REV3L: variants seen among roughly 807,000 people sequenced by gnomAD.
REV3L encodes the protein DNA polymerase zeta catalytic subunit.
A neutral mutation model predicts 299.4 loss-of-function variants in REV3L; 69 were observed. The ratio of observed to expected loss-of-function variants is 0.23; its 90% CI spans 0.19 to 0.28. The LOEUF (loss-of-function observed/expected upper bound fraction) is 0.28. REV3L is among the 10% of genes least tolerant of loss of function. REV3L has a pLI of 1.00. For missense variants in REV3L, 3,128 were observed against 3,693.8 expected (o/e 0.85, Z 3.97); for synonymous variants, 1,238 against 1,271.4 (o/e 0.97, Z 0.56).
At chr6:111,422,344 C>CCCTACAACCTCAAAACCTAA (rs1161500443) in intron 1 of REV3L, among the ~76,000 whole-genome samples, 17 of 151,840 alleles carry the variant, frequency 1.1e-4, no homozygotes, top group Admixed American at 5.2e-4. Context: ...TGAGCAGTTG[C>CCCTACAACCTCAAAACCTAA]AATAGACACC....
chr6:111,370,737 C>T (rs1182505346), intron 13 of REV3L, among the ~76,000 whole-genome samples: 1 of 152,062 alleles, frequency 6.6e-6, no homozygotes, highest in Non-Finnish European at 1.5e-5. Context: ...AGGTTGACAG[C>T]AAAATTGAAA....
intron 10 of REV3L, among the ~76,000 whole-genome samples, chr6:111,380,917 G>A (rs1780766830): frequency 6.6e-6 from 1 of 152,162 alleles, no homozygotes; most frequent in East Asian, 1.9e-4. Context: ...GTGCAGCCCT[G>A]GCCAGTGAGA....
chr6:111,414,292 T>C (rs1043716071), intron 2 of REV3L, among the ~76,000 whole-genome samples: 12 of 151,816 alleles, frequency 7.9e-5, no homozygotes, highest in African/African-American at 2.9e-4. Context: ...TGGGGAAGGG[T>C]AGAACACTCA....
At chr6:111,430,225 T>C in intron 1 of REV3L, 1 of 835,512 alleles carries the variant, frequency 1.2e-6, no homozygotes, top group Non-Finnish European at 2.1e-6. Flanking sequence ...GTAGAACAGA[T>C]ACCCCACCCC....
intron 20 of REV3L, among the ~76,000 whole-genome samples, chr6:111,346,900 T>C (rs780246107): frequency 6.6e-6 from 1 of 152,204 alleles, no homozygotes; most frequent in African/African-American, 2.4e-5. Flanking sequence ...CCCCTGAAAC[T>C]AGGATTCAGT....
intron 27 of REV3L, 59 bp downstream of exon 27, chr6:111,315,206 CAG>C: frequency 7.7e-7 from 1 of 1,303,474 alleles, no homozygotes; most frequent in African/African-American, 1.5e-5. Context: ...CTGAACAAAT[CAG>C]AGGTCTCTAG....
intron 1 of REV3L, among the ~76,000 whole-genome samples, chr6:111,429,500 TA>T (rs1403015012): frequency 5.9e-5 from 9 of 151,952 alleles, no homozygotes; most frequent in African/African-American, 2.2e-4. Flanking sequence ...CAGAATACTC[TA>T]TTACTGCAAT....
At position 111,376,214 on chromosome 6, in the gene REV3L, T is replaced by G; in HGVS notation, c.2141A>C (p.His714Pro). ...TTCAGAGGATACTTTATTTTTTGAA[T>G]GATTTAAGTCAGAAAAGTTGAAAGA... ...KNSFNFSDLN[H>P]SKNKVSSEGN... Residue 714 changes from histidine to proline, a missense_variant, in exon 13 of 32, where the codon CAT becomes CCT. His to Pro is a moderately conservative substitution (Grantham distance 77). This residue lies in a region of REV3L where 2,409 missense variants were observed against 2,611.8 expected (regional missense o/e 0.92). Coordinates refer to ENST00000368802, the MANE Select transcript of REV3L (RefSeq NM_001372078.1). 6.2e-7 allele frequency: 1 copy of G among 1,613,476 alleles called. No individual in the cohort carries two copies. Among genetic ancestry groups the G allele is most frequent in the Non-Finnish European group, 8.5e-7 (1 of 1,179,878 alleles).
At chr6:111,363,452 C>T (rs1444783177) in intron 16 of REV3L, among the ~76,000 whole-genome samples, 7 of 151,922 alleles carry the variant, frequency 4.6e-5, no homozygotes, top group South Asian at 2.1e-4. Context: ...ACTATAGGTG[C>T]GCGCCACCAT....
chr6:111,308,465 C>T (rs187229178), intron 30 of REV3L, among the ~76,000 whole-genome samples: 1 of 152,294 alleles, frequency 6.6e-6, no homozygotes. Context: ...TTATTGAATA[C>T]TGTACCAAAA....
chr6:111,343,919 C>A lies in REV3L; in HGVS notation c.7538+6G>T. On this transcript the variant is annotated splice_donor_region_variant and intron_variant, in intron 21 of 31. Transcript: ENST00000368802. Reference sequence around the variant, plus strand: ...TATTACCTTCTTCAGAGTTATAGAACAGTACCTGTATAGATCTGTCTTGTT... The same window carrying A: ...TATTACCTTCTTCAGAGTTATAGAAAAGTACCTGTATAGATCTGTCTTGTT... 6.7e-7 allele frequency: 1 copy of A among 1,500,816 alleles called. No individual in the cohort carries two copies. Among genetic ancestry groups the A allele is most frequent in the South Asian group, 1.2e-5 (1 of 83,138 alleles). The allele number at this position is 1,500,816 out of a possible 1,614,324, so 93.0% of individuals were successfully genotyped here. A position where few individuals can be genotyped will look rare whatever the true frequency, so the allele number is the denominator to read the frequency against.
chr6:111,334,261 C>T (rs1197622931), intron 22 of REV3L, among the ~76,000 whole-genome samples: 1 of 152,116 alleles, frequency 6.6e-6, no homozygotes, highest in Non-Finnish European at 1.5e-5. Flanking sequence ...AATACAGCTA[C>T]ACCATAATAA....
At chr6:111,386,411 C>T (rs1433205942) in intron 9 of REV3L, among the ~76,000 whole-genome samples, 1 of 152,118 alleles carries the variant, frequency 6.6e-6, no homozygotes, top group Non-Finnish European at 1.5e-5. Flanking sequence ...CTATTTCACA[C>T]ACTAGGATGG....
chr6:111,467,756 A>G (rs143609285), intron 1 of REV3L, among the ~76,000 whole-genome samples: 3 of 152,354 alleles, frequency 2.0e-5, no homozygotes, highest in East Asian at 3.9e-4. Context: ...ACCATTTTAT[A>G]TAAGTGATTT....
chr6:111,370,867 C>A (rs539021339), intron 13 of REV3L, among the ~76,000 whole-genome samples: 1 of 152,214 alleles, frequency 6.6e-6, no homozygotes, highest in South Asian at 2.1e-4. Context: ...TATGTTGACA[C>A]ATCATAATTG....
At chr6:111,480,229 G>T (rs953960276) in intron 1 of REV3L, among the ~76,000 whole-genome samples, 15 of 152,060 alleles carry the variant, frequency 9.9e-5, no homozygotes, top group African/African-American at 2.9e-4. Flanking sequence ...TGTAGCATAG[G>T]TTTATCATGT....
In REV3L at chr6:111,483,054, CGCT is replaced by C; in HGVS notation, c.-169_-167del. 1 of 824,900 alleles carries C rather than the reference CGCT, an allele frequency of 1.2e-6. No homozygotes were observed. The highest frequency in any genetic ancestry group is 1.7e-6 in the Non-Finnish European group (1 of 587,778). 51.1% of individuals were successfully genotyped at this position (824,900 alleles called of 1,614,324 possible). ...GGAGCGGCGGGCGGGGCGGTGTAGG[CGCT>C]GCTGCCGCCGCCTCCTCAGGAGCAC... is the stretch of plus-strand genomic sequence containing the variant. On this transcript the variant is annotated 5_prime_UTR_variant, in exon 1 of 32. Coordinates refer to ENST00000368802, the MANE Select transcript of REV3L (RefSeq NM_001372078.1).
At chr6:111,458,590 G>C (rs1790412460) in intron 1 of REV3L, among the ~76,000 whole-genome samples, 1 of 152,006 alleles carries the variant, frequency 6.6e-6, no homozygotes, top group Non-Finnish European at 1.5e-5. Flanking sequence ...CAAGTTTTAG[G>C]ATACAAAAAT....
At chr6:111,376,891 G>T in intron 12 of REV3L, 134 bp from the exon 13 acceptor site, 1 of 619,492 alleles carries the variant, frequency 1.6e-6, no homozygotes, top group Non-Finnish European at 2.6e-6. Context: ...TTAACAAAAA[G>T]GTAATGCTTA....
Sources: allele counts gnomAD v4.1 joint callset (sites outside exome capture counted in the v4.1 genomes callset), GRCh38; gene constraint gnomAD v4.1.1; regional missense constraint gnomAD v4.1.1; transcripts MANE v1.5; gene names NCBI Gene and HGNC (gene_info 2026-07-23, HGNC 2026-07-21).